FBXO25: variants seen among roughly 807,000 people sequenced by gnomAD.
The protein encoded by FBXO25 is F-box protein 25.
FBXO25 carries 45 observed loss-of-function variants against 51.9 expected under a neutral mutation model. The observed-to-expected ratio is 0.87, with a 90% CI of 0.68 to 1.11. FBXO25 has a LOEUF of 1.11. FBXO25 is among the 50% of genes most tolerant of loss of function. The pLI, the probability that FBXO25 is intolerant of heterozygous loss-of-function variation, is 0.00. For synonymous variants in FBXO25, 199 were observed against 151.0 expected (o/e 1.32, Z -2.33); for missense variants, 507 against 428.5 (o/e 1.18, Z -1.62).
chr8:410,913 T>G (rs1406512085), intron 1 of FBXO25, among the ~76,000 whole-genome samples: 1 of 152,228 alleles, frequency 6.6e-6, no homozygotes, highest in East Asian at 1.9e-4. Context: ...CAGTCAAGAA[T>G]TAAGCATTTG....
intron 2 of FBXO25, among the ~76,000 whole-genome samples, chr8:430,595 C>T (rs571787360): frequency 6.6e-6 from 1 of 152,316 alleles, no homozygotes; most frequent in African/African-American, 2.4e-5. Flanking sequence ...CTTGTCTCCA[C>T]AGAGCTTCCT....
At chr8:458,645 G>C (rs890206520) in intron 8 of FBXO25, 94 bp downstream of exon 8, 2 of 1,208,046 alleles carry the variant, frequency 1.7e-6, no homozygotes, top group Admixed American at 2.5e-5. Flanking sequence ...AGAAAGAATG[G>C]CTGAGTATTT....
rs1488036177 is a variant in FBXO25, at chr8:476,286, G to A, written c.*7482G>A. On this transcript the variant is annotated 3_prime_UTR_variant, in exon 10 of 10. Coordinates refer to ENST00000350302, the MANE Select transcript of FBXO25 (RefSeq NM_183420.2). Reference sequence around the variant, plus strand: ...GTTGGCCAGTATTTTGTTGAATATTGATTTAAAAAAATCTTGATCAGGAAT... The same window carrying A: ...GTTGGCCAGTATTTTGTTGAATATTAATTTAAAAAAATCTTGATCAGGAAT... 2.0e-5 allele frequency: 3 copies of A among 151,896 alleles called. No homozygotes were observed. Among genetic ancestry groups the A allele is most frequent in the African/African-American group, 4.8e-5 (2 of 41,326 alleles). The allele number at this position is 151,896 out of a possible 1,614,324, so 9.4% of individuals were successfully genotyped here. A position where few individuals can be genotyped will look rare whatever the true frequency, so the allele number is the denominator to read the frequency against.
intron 1 of FBXO25, among the ~76,000 whole-genome samples, chr8:410,175 A>G (rs897158126): frequency 2.6e-5 from 4 of 152,180 alleles, no homozygotes; most frequent in African/African-American, 9.6e-5. Flanking sequence ...ACAAGTTACA[A>G]GATTGTGGAC....
At chr8:447,630 T>C (rs1404023899) in intron 5 of FBXO25, among the ~76,000 whole-genome samples, 22 of 152,212 alleles carry the variant, frequency 1.4e-4, no homozygotes, top group African/African-American at 4.6e-4. Flanking sequence ...TCAGATTTTG[T>C]AATATTTACA....
At position 473,521 on chromosome 8, in the gene FBXO25, G is replaced by A. The variant is rs548837759; in HGVS notation, c.*4717G>A. On this transcript the variant is annotated 3_prime_UTR_variant, in exon 10 of 10. Coordinates refer to ENST00000350302, the MANE Select transcript of FBXO25 (RefSeq NM_183420.2). ...CTTTTCACGTGAATGCCTAGGAGAG[G>A]CTGTTAACCCTCCTAGTTGTCCTTT... 1 of 152,200 alleles carries A rather than the reference G, an allele frequency of 6.6e-6. No homozygotes were observed. Among genetic ancestry groups the A allele is most frequent in the South Asian group, 2.1e-4 (1 of 4,826 alleles). 9.4% of individuals were successfully genotyped at this position (152,200 alleles called of 1,614,324 possible). A position where few individuals can be genotyped will look rare whatever the true frequency, so the allele number is the denominator to read the frequency against.
chr8:443,671 G>A lies in FBXO25; in HGVS notation c.382-6319G>A, dbSNP rs1298777553. Among the ~76,000 whole-genome samples, 10 of 151,602 alleles carry A rather than the reference G, an allele frequency of 6.6e-5. No homozygotes were observed. In the East Asian group the frequency reaches 1.7e-3, roughly 26 times the overall value. On this transcript the variant is annotated intron_variant, in intron 5 of 9. Transcript: ENST00000350302. The stretch of plus-strand genomic sequence containing the variant: ...GTTTTAATCCAGCCTGCATGAGGTT[G>A]TAGTGTGGTGCTTCCCTACCTCGGG...
chr8:461,644 A>G (rs1376370619), intron 8 of FBXO25, among the ~76,000 whole-genome samples: 1 of 152,042 alleles, frequency 6.6e-6, no homozygotes, highest in Non-Finnish European at 1.5e-5. Context: ...AGGAAAAACA[A>G]AACAAAACAA....
intron 1 of FBXO25, chr8:407,415 G>T (rs544072826): frequency 1.0e-6 from 1 of 984,898 alleles, no homozygotes; most frequent in African/African-American, 1.8e-5. Context: ...GGCGCGTCAG[G>T]TGGGGTCTGG....
chr8:456,652 A>C (rs963083030), intron 7 of FBXO25, among the ~76,000 whole-genome samples: 3 of 152,204 alleles, frequency 2.0e-5, no homozygotes, highest in Admixed American at 6.5e-5. Flanking sequence ...GCAGTCCATG[A>C]AAGCTTCATG....
intron 1 of FBXO25, among the ~76,000 whole-genome samples, chr8:411,217 C>T (rs1796467636): frequency 6.6e-6 from 1 of 152,174 alleles, no homozygotes; most frequent in Non-Finnish European, 1.5e-5. Context: ...AATTCAGCTA[C>T]CTTTCTGTAG....
chr8:470,615 A>T lies in FBXO25; in HGVS notation c.*1811A>T, dbSNP rs1183589920. 6.6e-6 allele frequency: 1 copy of T among 152,210 alleles called. No homozygotes were observed. The highest frequency in any genetic ancestry group is 1.5e-5 in the Non-Finnish European group (1 of 68,100). 9.4% of individuals were successfully genotyped at this position (152,210 alleles called of 1,614,324 possible). On this transcript the variant is annotated 3_prime_UTR_variant, in exon 10 of 10. Coordinates refer to ENST00000350302, the MANE Select transcript of FBXO25 (RefSeq NM_183420.2). ...AGGCTGGTCTCAGGAGTTTGAGCTCAAGCAATCCACCTGCCTCAGCTTCCC... is the reference window on the plus strand; with the variant it reads ...AGGCTGGTCTCAGGAGTTTGAGCTCTAGCAATCCACCTGCCTCAGCTTCCC...
intron 7 of FBXO25, among the ~76,000 whole-genome samples, chr8:457,086 A>G (rs1173441964): frequency 1.3e-5 from 2 of 152,222 alleles, no homozygotes; most frequent in African/African-American, 4.8e-5. Flanking sequence ...CTTGTGGCCA[A>G]GTACATACAT....
chr8:437,652 G>C (rs1798179964), intron 5 of FBXO25, among the ~76,000 whole-genome samples: 2 of 152,078 alleles, frequency 1.3e-5, no homozygotes, highest in Non-Finnish European at 2.9e-5. Context: ...GCCTTGGATT[G>C]GGCTCCTCCA....
At chr8:434,759 A>C (rs1798003831) in intron 4 of FBXO25, among the ~76,000 whole-genome samples, 1 of 152,220 alleles carries the variant, frequency 6.6e-6, no homozygotes, top group Non-Finnish European at 1.5e-5. Flanking sequence ...ATGGAGTTTA[A>C]AATGACTTCT....
At chr8:449,738 C>G (rs534479176) in intron 5 of FBXO25, among the ~76,000 whole-genome samples, 2 of 152,302 alleles carry the variant, frequency 1.3e-5, no homozygotes, top group East Asian at 3.9e-4. Flanking sequence ...TATGCTTCCA[C>G]TAACTAAATG....
intron 2 of FBXO25, among the ~76,000 whole-genome samples, chr8:419,135 G>A (rs1175044395): frequency 4.6e-5 from 7 of 152,144 alleles, no homozygotes; most frequent in East Asian, 3.9e-4. Context: ...CAAGGCGGGC[G>A]GATCACCTGA....
chr8:425,464 G>T (rs1192142156), intron 2 of FBXO25, among the ~76,000 whole-genome samples: 1 of 150,726 alleles, frequency 6.6e-6, no homozygotes. Flanking sequence ...TATCTTGAGA[G>T]CCAGCTTTTG....
chr8:448,912 A>T (rs1057085528), intron 5 of FBXO25, among the ~76,000 whole-genome samples: 5 of 152,228 alleles, frequency 3.3e-5, no homozygotes, highest in African/African-American at 1.2e-4. Flanking sequence ...AAAATTCCAA[A>T]AGTAACCCCT....
Sources: allele counts gnomAD v4.1 joint callset (sites outside exome capture counted in the v4.1 genomes callset), GRCh38; gene constraint gnomAD v4.1.1; transcripts MANE v1.5; gene names NCBI Gene and HGNC (gene_info 2026-07-23, HGNC 2026-07-21).